Variants in SMYD3 observed in about 807,000 individuals in gnomAD.
SMYD3 encodes the protein histone-lysine N-methyltransferase SMYD3.
A neutral mutation model predicts 57.7 loss-of-function variants in SMYD3; 36 were observed. That is an observed-to-expected ratio of 0.62 (90% CI 0.48 to 0.82). The LOEUF (loss-of-function observed/expected upper bound fraction) is 0.82, where lower values mean the gene tolerates loss of function less well. Ranked by LOEUF, SMYD3 falls within the 40% of genes least tolerant of loss-of-function variation. The pLI is 0.00. For synonymous variants in SMYD3, 211 were observed against 195.0 expected (o/e 1.08, Z -0.68); for missense variants, 515 against 538.8 (o/e 0.96, Z 0.44).
intron 5 of SMYD3, among the ~76,000 whole-genome samples, chr1:246,006,296 T>G: frequency 7.1e-6 from 1 of 141,536 alleles, no homozygotes. Flanking sequence ...GGGACTGGGA[T>G]GTTGGAGGGG....
intron 5 of SMYD3, among the ~76,000 whole-genome samples, chr1:246,084,366 C>T (rs984580756): frequency 6.6e-6 from 1 of 151,978 alleles, no homozygotes; most frequent in African/African-American, 2.4e-5. Context: ...CAGGCATGCA[C>T]CATCATGCCC....
chr1:245,830,607 CT>C (rs1405923085), intron 10 of SMYD3, among the ~76,000 whole-genome samples: 4 of 152,188 alleles, frequency 2.6e-5, no homozygotes, highest in African/African-American at 9.7e-5. Context: ...GAGAATACCC[CT>C]CTGGGGAAGT....
At chr1:246,454,522 T>C (rs1172062375) in intron 1 of SMYD3, among the ~76,000 whole-genome samples, 1 of 152,218 alleles carries the variant, frequency 6.6e-6, no homozygotes, top group Non-Finnish European at 1.5e-5. Flanking sequence ...TAGAATTTTA[T>C]TTCTTCCAAC....
rs1166274400 is a variant in SMYD3 at position 245,957,632 on chromosome 1, CT to C, written c.532-27696del. Among the ~76,000 whole-genome samples, 11 of 98,114 alleles carry C rather than the reference CT, an allele frequency of 1.1e-4. No individual in the cohort carries two copies. The East Asian group carries it at 6.1e-3, about 55-fold the overall frequency. 64.4% of individuals were successfully genotyped at this position (98,114 alleles called of 152,430 possible). ...CTGCTCAGGATATATTGTGTCTATA[CT>C]TGAGTAGGCACAAAATGCTTTTTCA... On this transcript the variant is annotated intron_variant, in intron 5 of 11. Coordinates refer to ENST00000490107, the MANE Select transcript of SMYD3 (RefSeq NM_001167740.2).
intron 11 of SMYD3, among the ~76,000 whole-genome samples, chr1:245,762,820 C>T (rs535937800): frequency 2.6e-5 from 4 of 152,318 alleles, no homozygotes; most frequent in South Asian, 2.1e-4. Flanking sequence ...CCCCTGGACA[C>T]GCCCTGAGCA....
At chr1:246,473,143 C>T (rs558701927) in intron 1 of SMYD3, among the ~76,000 whole-genome samples, 1 of 152,220 alleles carries the variant, frequency 6.6e-6, no homozygotes, top group Admixed American at 6.5e-5. Context: ...AGGCATGAGT[C>T]ACTGCACCCG....
At position 246,077,559 on chromosome 1, in the gene SMYD3, C is replaced by CT. The variant is rs981866586; in HGVS notation, c.532-147623dup. 1.2e-3 allele frequency among the ~76,000 whole-genome samples: 185 copies of CT among 149,206 alleles called. 1 individual carries two copies. The highest frequency in any genetic ancestry group is 3.9e-3 in the African/African-American group (159 of 40,586). ...TTTAAAAAAAAGAGAGAAGAGGAAT[C>CT]TTTTTTTTTTCTGTAATCAGAATAC... On this transcript the variant is annotated intron_variant, in intron 5 of 11. Coordinates refer to ENST00000490107, the MANE Select transcript of SMYD3 (RefSeq NM_001167740.2).
At chr1:246,147,936 G>A (rs1477666168) in intron 5 of SMYD3, among the ~76,000 whole-genome samples, 1 of 152,098 alleles carries the variant, frequency 6.6e-6, no homozygotes, top group African/African-American at 2.4e-5. Flanking sequence ...CTGCAGGCTC[G>A]GGGGTGTCTG....
intron 5 of SMYD3, among the ~76,000 whole-genome samples, chr1:246,184,176 TA>T (rs1179238675): frequency 6.6e-6 from 1 of 152,170 alleles, no homozygotes; most frequent in East Asian, 1.9e-4. Flanking sequence ...TAAAAGAATA[TA>T]AAACACTAGT....
At chr1:246,120,256 G>A (rs373597567) in intron 5 of SMYD3, among the ~76,000 whole-genome samples, 1 of 152,118 alleles carries the variant, frequency 6.6e-6, no homozygotes, top group Non-Finnish European at 1.5e-5. Context: ...AGATAAGAGC[G>A]ACCTTCTTGC....
intron 5 of SMYD3, among the ~76,000 whole-genome samples, chr1:246,040,445 C>G (rs923088757): frequency 2.0e-5 from 3 of 152,208 alleles, no homozygotes; most frequent in Non-Finnish European, 2.9e-5. Flanking sequence ...CAACGTCTCA[C>G]TTCTCTTAGA....
In SMYD3 at chr1:245,749,649, T is replaced by A; in HGVS notation, c.1201A>T (p.Arg401Ter). 6.2e-7 allele frequency: 1 copy of A among 1,613,920 alleles called. No homozygotes were observed. The highest frequency in any genetic ancestry group is 2.2e-5 in the East Asian group (1 of 44,880). The change falls in exon 12 of 12, where the codon AGA becomes TGA. Residue 401 changes from arginine to a stop codon, truncating the protein, a stop_gained. Coordinates refer to ENST00000490107, the MANE Select transcript of SMYD3 (RefSeq NM_001167740.2). LOFTEE classifies it high-confidence loss of function. ...KNLRLAFDIM[R>*]VTHGREHSLI... ...CTGTGTTCTCTGCCATGTGTCACTC[T>A]CATAATATCAAAAGCCTAAAGAGAA...
chr1:246,406,445 A>G (rs2066867406), intron 1 of SMYD3, among the ~76,000 whole-genome samples: 1 of 152,200 alleles, frequency 6.6e-6, no homozygotes, highest in African/African-American at 2.4e-5. Context: ...GTAAAGATGC[A>G]CTATGAGAGA....
chr1:246,138,215 C>T (rs1049835001), intron 5 of SMYD3, among the ~76,000 whole-genome samples: 3 of 152,066 alleles, frequency 2.0e-5, no homozygotes, highest in Non-Finnish European at 4.4e-5. Flanking sequence ...CACTCCGCCC[C>T]GAGTGCTGCA....
intron 5 of SMYD3, among the ~76,000 whole-genome samples, chr1:245,979,320 C>T (rs1207882525): frequency 6.6e-6 from 1 of 152,132 alleles, no homozygotes; most frequent in Non-Finnish European, 1.5e-5. Flanking sequence ...ATTATGTTCC[C>T]TCCAATAAGA....
At chr1:245,808,537 G>A (rs2048302289) in intron 10 of SMYD3, among the ~76,000 whole-genome samples, 1 of 152,202 alleles carries the variant, frequency 6.6e-6, no homozygotes, top group South Asian at 2.1e-4. Flanking sequence ...CCTCTTGAGA[G>A]CTGGTGCAGG....
At chr1:246,120,565 T>C (rs2061409345) in intron 5 of SMYD3, among the ~76,000 whole-genome samples, 1 of 152,194 alleles carries the variant, frequency 6.6e-6, no homozygotes, top group African/African-American at 2.4e-5. Context: ...CATCTGTATA[T>C]GTCTTCTACA....
chr1:245,787,021 A>G lies in SMYD3; in HGVS notation c.1077-22872T>C, dbSNP rs137933287. On this transcript the variant is annotated intron_variant, in intron 10 of 11. Coordinates refer to ENST00000490107, the MANE Select transcript of SMYD3 (RefSeq NM_001167740.2). ...TGTTCTACCAAGTTGATGGAGTAAT[A>G]TAATTTGCTAGCAGGAAAAAATGCT... 4.6e-3 allele frequency among the ~76,000 whole-genome samples: 695 copies of G among 152,374 alleles called. 4 individuals carry two copies. The highest frequency in any genetic ancestry group is 0.016 in the African/African-American group (663 of 41,582).
At chr1:245,932,177 C>A (rs1028598511) in intron 5 of SMYD3, among the ~76,000 whole-genome samples, 1 of 152,212 alleles carries the variant, frequency 6.6e-6, no homozygotes, top group African/African-American at 2.4e-5. Flanking sequence ...TCAAACACAT[C>A]TGATCTGTTA....
Sources: gnomAD v4.1 joint callset for allele counts (sites outside exome capture counted in the v4.1 genomes callset) on GRCh38, gnomAD v4.1.1 for gene constraint, MANE v1.5 for transcripts, NCBI Gene and HGNC (gene_info 2026-07-23, HGNC 2026-07-21) for gene names.